HCLS1: variants seen among roughly 807,000 people sequenced by gnomAD.
HCLS1 encodes hematopoietic cell-specific Lyn substrate 1.
In HCLS1, 44 loss-of-function variants were observed where a neutral mutation model predicts 68.6. The observed-to-expected ratio is 0.64, with a 90% CI of 0.50 to 0.82. The LOEUF (loss-of-function observed/expected upper bound fraction) is 0.82, where lower values mean the gene tolerates loss of function less well. HCLS1 is among the 40% of genes least tolerant of loss of function. The pLI is 0.00. For synonymous variants in HCLS1, 217 were observed against 225.8 expected, an observed-to-expected ratio of 0.96 and a Z score of 0.35; for missense variants, 602 against 612.1, an observed-to-expected ratio of 0.98 and a Z score of 0.17.
intron 3 of HCLS1, among the ~76,000 whole-genome samples, chr3:121,648,297 AC>A (rs557947216): frequency 8.3e-4 from 126 of 152,296 alleles, no homozygotes; most frequent in Non-Finnish European, 1.5e-3. Context: ...AGAAAGTACC[AC>A]CAAAAAAGGC....
Position 121,644,640 on chromosome 3 carries a change from T to C in HCLS1, c.399+178A>G, listed in dbSNP as rs933617706. 1.6e-5 allele frequency: 11 copies of C among 702,394 alleles called. 1 individual carries two copies. The African/African-American group carries it at 1.9e-4, about 12-fold the overall frequency. 43.5% of individuals were successfully genotyped at this position (702,394 alleles called of 1,614,324 possible). A position where few individuals can be genotyped will look rare whatever the true frequency, so the allele number is the denominator to read the frequency against. ...ACTGTCTTTCAGCTCAGCATGTGGCTTCCAACATTGGCACCAAGGAACTTG... is the reference window on the plus strand; with the variant it reads ...ACTGTCTTTCAGCTCAGCATGTGGCCTCCAACATTGGCACCAAGGAACTTG... On this transcript the variant is annotated intron_variant, in intron 5 of 13. Transcript: ENST00000314583.
At chr3:121,645,982 AT>A (rs1239176364) in intron 4 of HCLS1, among the ~76,000 whole-genome samples, 1 of 135,920 alleles carries the variant, frequency 7.4e-6, no homozygotes, top group Non-Finnish European at 1.5e-5. Flanking sequence ...TGTAACATAT[AT>A]TAATAATATA....
At chr3:121,641,141 T>C (rs188294503) in intron 6 of HCLS1, among the ~76,000 whole-genome samples, 16 of 151,890 alleles carry the variant, frequency 1.1e-4, no homozygotes, top group Non-Finnish European at 2.1e-4. Flanking sequence ...TAAAAGTAGA[T>C]CTAACATTCA....
intron 4 of HCLS1, 102 bp from the exon 5 acceptor site, chr3:121,645,030 T>G (rs1439144647): frequency 5.7e-6 from 5 of 884,142 alleles, no homozygotes; most frequent in Non-Finnish European, 9.1e-6. Flanking sequence ...AATTCCATTC[T>G]GGGTCAGATC....
chr3:121,633,119 G>A lies in HCLS1; in HGVS notation c.956C>T (p.Thr319Ile), dbSNP rs1202208931. The A allele has an allele frequency of 3.1e-6, 5 of 1,613,334 alleles. No individual in the cohort carries two copies. The highest frequency in any genetic ancestry group is 4.2e-6 in the Non-Finnish European group (5 of 1,179,672). The change falls in exon 11 of 14, where the codon ACC becomes ATC. Residue 319 changes from threonine (T) to isoleucine (I), a missense_variant. Transcript: ENST00000314583. ...CAAGGGCACTGGGTGTTCCCTGCTG[G>A]TTCTCACAGGCTCAGACTCTGATGA... ...PPSSESEPVR[T>I]SREHPVPLLP...
At position 121,632,341 on chromosome 3, in the gene HCLS1, C is replaced by T. The variant is rs1440044521; in HGVS notation, c.1231G>A (p.Ala411Thr). The T allele has an allele frequency of 6.2e-7, 1 of 1,614,072 alleles. No homozygotes were observed. The highest frequency in any genetic ancestry group is 8.5e-7 in the Non-Finnish European group (1 of 1,179,952). The change falls in exon 12 of 14, where the codon GCT becomes ACT. Residue 411 changes from alanine (A) to threonine (T), a missense_variant. Coordinates refer to ENST00000314583, the MANE Select transcript of HCLS1 (RefSeq NM_005335.6). Reference sequence around the variant, plus strand: ...TCCTCCCATCACTCACCAGCCAGAGCAGAAGAAAAAGAAGAATCTTCAGGC... The same window carrying T: ...TCCTCCCATCACTCACCAGCCAGAGTAGAAGAAAAAGAAGAATCTTCAGGC... ...LEPEDSSFSS[A>T]LAGSSGCPAG...
In HCLS1 at chr3:121,642,998, A is replaced by C; in HGVS notation, c.400-17T>G. On this transcript the variant is annotated splice_polypyrimidine_tract_variant and intron_variant, in intron 5 of 13. Transcript: ENST00000314583. The stretch of plus-strand genomic sequence containing the variant: ...GACTGCTGACTACAGAGAAGAGGAG[A>C]CAGAATTGGTTAGAGTCAGAGCTGA... 1.2e-6 allele frequency: 2 copies of C among 1,609,182 alleles called. No individual in the cohort carries two copies. The highest frequency in any genetic ancestry group is 1.7e-6 in the Non-Finnish European group (2 of 1,175,802).
intron 3 of HCLS1, among the ~76,000 whole-genome samples, chr3:121,648,331 C>A (rs1937656294): frequency 6.6e-6 from 1 of 152,172 alleles, no homozygotes; most frequent in Admixed American, 6.5e-5. Flanking sequence ...ACTTCACACC[C>A]ACTTCCATCT....
chr3:121,646,482 GATATATT>G (rs1230634316), intron 4 of HCLS1, among the ~76,000 whole-genome samples: 1 of 97,686 alleles, frequency 1.0e-5, no homozygotes, highest in Non-Finnish European at 1.8e-5. Flanking sequence ...ATATAATATA[GATATATT>G]ATATATTATA....
chr3:121,647,267 C>T (rs1307077602), intron 4 of HCLS1, 52 bp downstream of exon 4: 1 of 1,597,552 alleles, frequency 6.3e-7, no homozygotes, highest in Non-Finnish European at 8.5e-7. Context: ...AGGCGTGAGC[C>T]ACCGCACCCG....
intron 7 of HCLS1, 103 bp downstream of exon 7, chr3:121,637,043 C>A: frequency 1.3e-6 from 1 of 784,260 alleles, no homozygotes; most frequent in Non-Finnish European, 2.3e-6. Flanking sequence ...CTGCTCTGCA[C>A]ATCTGCCCCT....
intron 3 of HCLS1, chr3:121,653,702 A>G (rs2107477681): frequency 6.6e-6 from 1 of 152,352 alleles, no homozygotes; most frequent in African/African-American, 2.4e-5. Context: ...TACTCTTGGC[A>G]TTACACCATT....
intron 6 of HCLS1, among the ~76,000 whole-genome samples, chr3:121,641,847 C>G (rs982511341): frequency 6.6e-6 from 1 of 151,830 alleles, no homozygotes; most frequent in Admixed American, 6.6e-5. Flanking sequence ...TTTGGGAAGC[C>G]GAGGCAGGCA....
rs1371363499 is a variant in HCLS1 at position 121,657,292 on chromosome 3, T to C, written c.145A>G (p.Thr49Ala). The change falls in exon 3 of 14, where the codon ACA (threonine) becomes GCA (alanine). Residue 49 changes from threonine to alanine, a missense_variant. Transcript: ENST00000314583. ...GAKTIEGSGR[T>A]EHINIHQLRN... The stretch of plus-strand genomic sequence containing the variant: ...TTCGGCACCTACTTGATGTGTTCTG[T>C]GCGTCCAGACCCCTCGATGGTCTTG... The C allele has an allele frequency of 1.9e-6, 3 of 1,613,926 alleles. No individual in the cohort carries two copies. Among genetic ancestry groups the C allele is most frequent in the Middle Eastern group, 1.6e-4 (1 of 6,084 alleles).
chr3:121,637,086 AAAGG>A, intron 7 of HCLS1, 56 bp downstream of exon 7: 1 of 1,229,550 alleles, frequency 8.1e-7, no homozygotes, highest in Non-Finnish European at 1.2e-6. Flanking sequence ...GAGCTTCCAG[AAAGG>A]AAGGAAGGAG....
At position 121,633,169 on chromosome 3, in the gene HCLS1, G is replaced by C; in HGVS notation, c.906C>G (p.Ala302=). The change falls in exon 11 of 14, where the codon GCC becomes GCG. Residue 302 remains alanine, a splice_region_variant and synonymous_variant. Transcript: ENST00000314583. ...ATGGAGGAGTCCCAACTGGAGGCCA[G>C]GCCTGTGGAAAATGAAGCATCTCTC... ...APLPKKISSE[A]WPPVGTPPSS... is the part of the protein sequence containing the mutation. 1 of 1,597,028 alleles carries C rather than the reference G, an allele frequency of 6.3e-7. No homozygotes were observed. Among genetic ancestry groups the C allele is most frequent in the Non-Finnish European group, 8.5e-7 (1 of 1,170,544 alleles).
intron 3 of HCLS1, among the ~76,000 whole-genome samples, chr3:121,655,042 C>T (rs1175065506): frequency 6.6e-6 from 1 of 152,194 alleles, no homozygotes; most frequent in Non-Finnish European, 1.5e-5. Flanking sequence ...GCTTTCACTC[C>T]TTGATAACCT....
At chr3:121,638,080 AT>A (rs1163193279) in intron 6 of HCLS1, among the ~76,000 whole-genome samples, 2 of 152,018 alleles carry the variant, frequency 1.3e-5, no homozygotes, top group Non-Finnish European at 2.9e-5. Context: ...TTTTTGGGGG[AT>A]TTTTTGTTTT....
At position 121,658,295 on chromosome 3, in the gene HCLS1, C is replaced by T. The variant is rs760554492; in HGVS notation, c.53G>A (p.Gly18Asp). 2 of 1,613,916 alleles carry T rather than the reference C, an allele frequency of 1.2e-6. No individual in the cohort carries two copies. Among genetic ancestry groups the T allele is most frequent in the Non-Finnish European group, 8.5e-7 (1 of 1,179,944 alleles). ...GTCAGGATCTGTGTCCCAATCATCACCCTGGGTCTCCACGGAAACAGACAC... is the reference window on the plus strand; with the variant it reads ...GTCAGGATCTGTGTCCCAATCATCATCCTGGGTCTCCACGGAAACAGACAC... Reference protein sequence around the residue: ...HDVSVSVETQGDDWDTDPDFV... With the variant: ...HDVSVSVETQDDDWDTDPDFV... Residue 18 changes from glycine to aspartate, a missense_variant, in exon 2 of 14, where the codon GGT becomes GAT. Physicochemically the swap from Gly to Asp is moderately conservative, Grantham distance 94. Coordinates refer to ENST00000314583, the MANE Select transcript of HCLS1 (RefSeq NM_005335.6).
Sources: gnomAD v4.1 joint callset for allele counts (sites outside exome capture counted in the v4.1 genomes callset) on GRCh38, gnomAD v4.1.1 for gene constraint, MANE v1.5 for transcripts, NCBI Gene and HGNC (gene_info 2026-07-23, HGNC 2026-07-21) for gene names.